Variants in EDA observed in about 807,000 individuals in gnomAD.
EDA encodes the protein ectodysplasin A.
EDA carries 2 observed loss-of-function variants against 23.6 expected under a neutral mutation model. The ratio of observed to expected loss-of-function variants is 0.08; its 90% confidence interval spans 0.03 to 0.27. The LOEUF is 0.27. Among genes scored for constraint, EDA ranks in the 10% least tolerant of loss-of-function variants. EDA has a pLI of 1.00. For synonymous variants in EDA, 131 were observed against 132.0 expected (o/e 0.99, Z 0.05); for missense variants, 229 against 324.2 (o/e 0.71, Z 2.26).
intron 2 of EDA, among the ~76,000 whole-genome samples, chrX:70,017,069 A>T (rs1029058491): frequency 1.8e-5 from 2 of 111,398 alleles, no homozygotes; most frequent in African/African-American, 6.5e-5. Context: ...ATCAGAGACT[A>T]TCAAAAACAC....
rs374992916 is a variant in EDA at position 69,676,522 on chromosome X, G to T, written c.396+59818G>T. On this transcript the variant is annotated intron_variant, in intron 1 of 7. Coordinates refer to ENST00000374552, the MANE Select transcript of EDA (RefSeq NM_001399.5). ...TGTGTGCGCGCGCGCACGTGTGCTT[G>T]TGTGTGTGTGTGTGTGTAATCTCTA... Among the ~76,000 whole-genome samples the T allele has an allele frequency of 3.7e-5, 4 of 107,847 alleles. No homozygotes were observed. In the East Asian group the frequency reaches 1.2e-3, roughly 31 times the overall value. 93.7% of individuals were successfully genotyped at this position (107,847 alleles called of 115,157 possible). A position where few individuals can be genotyped will look rare whatever the true frequency, so the allele number is the denominator to read the frequency against.
At chrX:69,732,205 C>T (rs1323633354) in intron 1 of EDA, among the ~76,000 whole-genome samples, 2 of 111,616 alleles carry the variant, frequency 1.8e-5, no homozygotes, top group Non-Finnish European at 3.8e-5. Flanking sequence ...CACCCATTAA[C>T]TCGTCATTTA....
At chrX:69,748,366 A>C (rs1300200814) in intron 1 of EDA, among the ~76,000 whole-genome samples, 2 of 111,147 alleles carry the variant, frequency 1.8e-5, no homozygotes, top group Non-Finnish European at 3.8e-5. Flanking sequence ...AGGGATGAGA[A>C]ATAAGATGAT....
At chrX:69,640,555 C>A (rs767614509) in intron 1 of EDA, among the ~76,000 whole-genome samples, 5 of 110,693 alleles carry the variant, frequency 4.5e-5, no homozygotes, top group Non-Finnish European at 9.4e-5. Flanking sequence ...TGGAGGGGCA[C>A]ACAAGAACGC....
intron 2 of EDA, among the ~76,000 whole-genome samples, chrX:70,003,843 T>C (rs1338077958): frequency 8.9e-6 from 1 of 111,849 alleles, no homozygotes; most frequent in East Asian, 2.8e-4. Context: ...CAGACTCTTT[T>C]TTGACCAAGG....
chrX:69,753,586 A>G (rs1457138353), intron 1 of EDA, among the ~76,000 whole-genome samples: 1 of 111,929 alleles, frequency 8.9e-6, no homozygotes, highest in Non-Finnish European at 1.9e-5. Flanking sequence ...ATATATGTCT[A>G]TTAGGTCTGC....
intron 1 of EDA, among the ~76,000 whole-genome samples, chrX:69,631,717 T>C (rs1473752049): frequency 3.6e-5 from 4 of 110,690 alleles, no homozygotes; most frequent in Admixed American, 9.7e-5. Flanking sequence ...CCTTTCCTAA[T>C]AGCTTAAACC....
chrX:69,739,307 C>G (rs2013371645), intron 1 of EDA, among the ~76,000 whole-genome samples: 1 of 111,281 alleles, frequency 9.0e-6, no homozygotes, highest in Non-Finnish European at 1.9e-5. Context: ...GCCACTCCAA[C>G]ATTTTTATGG....
At chrX:69,832,961 A>G (rs1396839814) in intron 1 of EDA, among the ~76,000 whole-genome samples, 2 of 111,232 alleles carry the variant, frequency 1.8e-5, no homozygotes, top group African/African-American at 3.3e-5. Flanking sequence ...GGGTTTTCTA[A>G]ATATACAATC....
chrX:70,014,811 C>G (rs1289870710), intron 2 of EDA, among the ~76,000 whole-genome samples: 3 of 111,784 alleles, frequency 2.7e-5, no homozygotes, highest in African/African-American at 9.8e-5. Flanking sequence ...TAAGGAAGAA[C>G]CTCAGATCTC....
At chrX:69,675,244 G>T (rs1298879300) in intron 1 of EDA, among the ~76,000 whole-genome samples, 1 of 111,951 alleles carries the variant, frequency 8.9e-6, no homozygotes, top group Non-Finnish European at 1.9e-5. Flanking sequence ...GCCTCCCAAG[G>T]TGCAGGGATT....
intron 1 of EDA, among the ~76,000 whole-genome samples, chrX:69,730,413 A>AGTG (rs1168435675): frequency 8.9e-6 from 1 of 111,952 alleles, no homozygotes; most frequent in Admixed American, 9.5e-5. Context: ...ATACACAAGC[A>AGTG]GTGTCATTTA....
rs1270338172 is a variant in EDA, at chrX:69,987,311, T to TAAAA, written c.502+30181_502+30184dup. Among the ~76,000 whole-genome samples, 102 of 101,708 alleles carry TAAAA rather than the reference T, an allele frequency of 1.0e-3. 1 individual carries two copies. In the East Asian group the frequency reaches 0.016, roughly 16 times the overall value. The allele number at this position is 101,708 out of a possible 115,157, so 88.3% of individuals were successfully genotyped here. On this transcript the variant is annotated intron_variant, in intron 2 of 7. Coordinates refer to ENST00000374552, the MANE Select transcript of EDA (RefSeq NM_001399.5). ...AATTAAAAAAAAAAATTTTTTTTTT[T>TAAAA]AAAAATAAATAAATAAAAAAAAAAT...
At chrX:69,646,140 T>C (rs1024313641) in intron 1 of EDA, among the ~76,000 whole-genome samples, 2 of 111,619 alleles carry the variant, frequency 1.8e-5, no homozygotes, top group Non-Finnish European at 3.8e-5. Flanking sequence ...TGCCATGTGA[T>C]GATGAGAAGA....
Position 69,616,232 on chromosome X carries a change from G to A in EDA, c.-77G>A. 1 of 1,100,065 alleles carries A rather than the reference G, an allele frequency of 9.1e-7. No individual in the cohort carries two copies. 90.7% of individuals were successfully genotyped at this position (1,100,065 alleles called of 1,213,427 possible). On this transcript the variant is annotated 5_prime_UTR_variant, in exon 1 of 8. Coordinates refer to ENST00000374552, the MANE Select transcript of EDA (RefSeq NM_001399.5). ...CCCAGCCGATGGCAGGACAGTAGCC[G>A]CCTGTCAGAGGTCGTGAACGGCTGA...
At chrX:69,710,434 C>T (rs1461741349) in intron 1 of EDA, among the ~76,000 whole-genome samples, 1 of 111,193 alleles carries the variant, frequency 9.0e-6, no homozygotes, top group Non-Finnish European at 1.9e-5. Context: ...TAGTGTGATG[C>T]CTCCAGCTTT....
intron 1 of EDA, among the ~76,000 whole-genome samples, chrX:69,716,034 C>A (rs905324998): frequency 4.5e-5 from 5 of 111,785 alleles, no homozygotes; most frequent in African/African-American, 1.6e-4. Context: ...TTTGTTTAAT[C>A]TGCTGATAGT....
chrX:70,024,200 T>G (rs1021326433), intron 3 of EDA, among the ~76,000 whole-genome samples: 1 of 112,844 alleles, frequency 8.9e-6, no homozygotes, highest in African/African-American at 3.2e-5. Context: ...TGGAGCTTTA[T>G]AGAATAGATT....
intron 1 of EDA, among the ~76,000 whole-genome samples, chrX:69,635,157 A>G (rs1276587857): frequency 1.8e-5 from 2 of 111,799 alleles, no homozygotes; most frequent in Non-Finnish European, 3.8e-5. Flanking sequence ...GTTAAGTGAC[A>G]CATGACACAC....
Sources: gnomAD v4.1 joint callset for allele counts (sites outside exome capture counted in the v4.1 genomes callset) on GRCh38, gnomAD v4.1.1 for gene constraint, MANE v1.5 for transcripts, NCBI Gene and HGNC (gene_info 2026-07-23, HGNC 2026-07-21) for gene names.